The following PTPN9 variants were observed in gnomAD, a reference collection of about 807,000 sequenced individuals.
PTPN9 encodes the protein tyrosine-protein phosphatase non-receptor type 9.
Under a neutral mutation model 69.8 loss-of-function variants are expected in PTPN9, and 26 were observed. The observed-to-expected ratio is 0.37, with a 90% CI of 0.27 to 0.52. The LOEUF is 0.52. PTPN9 is among the 20% of genes least tolerant of loss of function. The probability of loss-of-function intolerance (pLI) is 0.91; values close to 1 mark genes in which losing one functional copy is unlikely to be tolerated. For missense variants in PTPN9, 549 were observed against 740.3 expected (o/e 0.74, Z 3.00); for synonymous variants, 274 against 272.5 (o/e 1.01, Z -0.05).
intron 7 of PTPN9, among the ~76,000 whole-genome samples, chr15:75,494,158 A>C (rs1330893921): frequency 6.8e-6 from 1 of 147,602 alleles, no homozygotes; most frequent in Non-Finnish European, 1.5e-5. Context: ...ATATATATAA[A>C]ATCTATATAT....
In PTPN9 at chr15:75,500,185, C is replaced by T. The variant is rs368335129; in HGVS notation, c.968+5490G>A. Among the ~76,000 whole-genome samples the T allele has an allele frequency of 1.3e-3, 205 of 152,118 alleles. 2 individuals carry two copies. The highest frequency in any genetic ancestry group is 4.4e-3 in the African/African-American group (183 of 41,486). ...AAAATTAACCGGGTGTGGTGGCACA[C>T]GCCTGTAATCCCAGCTACTCAGGAG... On this transcript the variant is annotated intron_variant, in intron 7 of 12. Coordinates refer to ENST00000618819, the MANE Select transcript of PTPN9 (RefSeq NM_002833.4).
rs2141349819 is a variant in PTPN9, at chr15:75,579,298, G to A, written c.-522C>T. On this transcript the variant is annotated 5_prime_UTR_variant, in exon 1 of 13. Coordinates refer to ENST00000618819, the MANE Select transcript of PTPN9 (RefSeq NM_002833.4). Reference sequence around the variant, plus strand: ...GCTGCCTCAGCCAGGCTCCTCGCGGGCGGCCGCAGCGAAAGGGAGGGAGTG... The same window carrying A: ...GCTGCCTCAGCCAGGCTCCTCGCGGACGGCCGCAGCGAAAGGGAGGGAGTG... 1 of 152,286 alleles carries A rather than the reference G, an allele frequency of 6.6e-6. No individual in the cohort carries two copies. The highest frequency in any genetic ancestry group is 1.9e-4 in the East Asian group (1 of 5,156). The allele number at this position is 152,286 out of a possible 1,614,324, so 9.4% of individuals were successfully genotyped here. A position where few individuals can be genotyped will look rare whatever the true frequency, so the allele number is the denominator to read the frequency against.
At chr15:75,532,220 A>C (rs1015551884) in intron 1 of PTPN9, among the ~76,000 whole-genome samples, 1 of 152,022 alleles carries the variant, frequency 6.6e-6, no homozygotes, top group African/African-American at 2.4e-5. Context: ...AACATAGTGA[A>C]TGAAACCCTG....
At chr15:75,538,400 A>C (rs2074994340) in intron 1 of PTPN9, among the ~76,000 whole-genome samples, 2 of 152,128 alleles carry the variant, frequency 1.3e-5, no homozygotes, top group Non-Finnish European at 2.9e-5. Flanking sequence ...CTGATGCAAA[A>C]AGACAGGAAT....
intron 1 of PTPN9, among the ~76,000 whole-genome samples, chr15:75,569,150 T>C (rs955837346): frequency 1.3e-5 from 2 of 152,104 alleles, no homozygotes; most frequent in African/African-American, 4.8e-5. Context: ...CAAGGCAGGA[T>C]GGTAGACAGA....
chr15:75,574,560 G>A (rs1327416506), intron 1 of PTPN9, among the ~76,000 whole-genome samples: 1 of 152,152 alleles, frequency 6.6e-6, no homozygotes, highest in Admixed American at 6.6e-5. Flanking sequence ...CAAGGGCAGA[G>A]GGACAGCAGT....
Position 75,575,849 on chromosome 15 carries a change from G to A in PTPN9, c.63+2865C>T, listed in dbSNP as rs946731044. On this transcript the variant is annotated intron_variant, in intron 1 of 12. Coordinates refer to ENST00000618819, the MANE Select transcript of PTPN9 (RefSeq NM_002833.4). ...CAGAAGAATGGCATGAACCCAGGAGGTGGAGCTTGCAGTGAGCCGAGATTG... is the reference window on the plus strand; with the variant it reads ...CAGAAGAATGGCATGAACCCAGGAGATGGAGCTTGCAGTGAGCCGAGATTG... Among the ~76,000 whole-genome samples, 16 of 149,906 alleles carry A rather than the reference G, an allele frequency of 1.1e-4. No homozygotes were observed. In the East Asian group the frequency reaches 2.8e-3, roughly 26 times the overall value.
chr15:75,569,619 C>T (rs1393536223), intron 1 of PTPN9, among the ~76,000 whole-genome samples: 1 of 146,788 alleles, frequency 6.8e-6, no homozygotes, highest in Non-Finnish European at 1.5e-5. Context: ...GCTGGAAAAT[C>T]GCTTGAACCC....
chr15:75,567,348 GTAA>G (rs1017126244), intron 1 of PTPN9, among the ~76,000 whole-genome samples: 11 of 152,012 alleles, frequency 7.2e-5, no homozygotes, highest in Admixed American at 4.6e-4. Context: ...AAGATTGGTT[GTAA>G]TAATGATGTA....
intron 8 of PTPN9, among the ~76,000 whole-genome samples, chr15:75,488,006 C>T (rs547978357): frequency 3.3e-5 from 5 of 152,298 alleles, no homozygotes; most frequent in South Asian, 4.1e-4. Flanking sequence ...ACTTTGCCGG[C>T]GCAGTGGCTC....
intron 7 of PTPN9, among the ~76,000 whole-genome samples, chr15:75,505,085 G>A (rs1295933129): frequency 6.6e-6 from 1 of 152,178 alleles, no homozygotes. Flanking sequence ...AAGTAGACAT[G>A]GGAGACTTTT....
intron 7 of PTPN9, among the ~76,000 whole-genome samples, chr15:75,492,166 C>G (rs765133568): frequency 4.6e-5 from 7 of 152,160 alleles, no homozygotes; most frequent in Non-Finnish European, 8.8e-5. Context: ...AGTCACCGAG[C>G]CTGACCTTAA....
At chr15:75,566,692 G>A (rs1273335296) in intron 1 of PTPN9, among the ~76,000 whole-genome samples, 2 of 150,896 alleles carry the variant, frequency 1.3e-5, no homozygotes, top group East Asian at 2.0e-4. Flanking sequence ...AAAAAAAAAA[G>A]AAAGAAACAT....
At chr15:75,561,890 G>C (rs1225043212) in intron 1 of PTPN9, among the ~76,000 whole-genome samples, 1 of 151,946 alleles carries the variant, frequency 6.6e-6, no homozygotes, top group Non-Finnish European at 1.5e-5. Context: ...TGTATGTTTA[G>C]TGAGATGGGG....
chr15:75,526,462 G>C (rs1264498311), intron 2 of PTPN9, among the ~76,000 whole-genome samples: 1 of 151,436 alleles, frequency 6.6e-6, no homozygotes, highest in Non-Finnish European at 1.5e-5. Context: ...TTTTTTTAGG[G>C]AGATTTTGTA....
chr15:75,563,087 C>G (rs773700956), intron 1 of PTPN9, among the ~76,000 whole-genome samples: 26 of 152,152 alleles, frequency 1.7e-4, no homozygotes, highest in Non-Finnish European at 3.2e-4. Flanking sequence ...CCTCCTCCCA[C>G]TCTCCACACT....
intron 1 of PTPN9, among the ~76,000 whole-genome samples, chr15:75,530,558 T>TAATATAATTTATTATATA (rs1349538675): frequency 7.2e-5 from 4 of 55,876 alleles, no homozygotes; most frequent in African/African-American, 9.1e-5. Context: ...TAATATATTA[T>TAATATAATTTATTATATA]ATATTATTAT....
Position 75,508,831 on chromosome 15 carries a change from G to C in PTPN9, c.639+86C>G, listed in dbSNP as rs922911204. On this transcript the variant is annotated intron_variant, in intron 6 of 12. Transcript: ENST00000618819. ...GAACAGGCTCTAGAAGACACGCCAG[G>C]AGGATTTTTTGAAGGTAGAAAATTA... is the stretch of plus-strand genomic sequence containing the variant. The C allele has an allele frequency of 1.5e-5, 15 of 1,000,940 alleles. No homozygotes were observed. In the African/African-American group the frequency reaches 2.2e-4, roughly 15 times the overall value. The allele number at this position is 1,000,940 out of a possible 1,614,324, so 62.0% of individuals were successfully genotyped here. A position where few individuals can be genotyped will look rare whatever the true frequency, so the allele number is the denominator to read the frequency against.
At chr15:75,509,754 C>T (rs904500381) in intron 5 of PTPN9, among the ~76,000 whole-genome samples, 3 of 151,978 alleles carry the variant, frequency 2.0e-5, no homozygotes, top group East Asian at 1.9e-4. Context: ...GAAGCTGAGG[C>T]GGGCAGATCA....
Sources: gnomAD v4.1 joint callset for allele counts (sites outside exome capture counted in the v4.1 genomes callset) on GRCh38, gnomAD v4.1.1 for gene constraint, MANE v1.5 for transcripts, NCBI Gene and HGNC (gene_info 2026-07-23, HGNC 2026-07-21) for gene names.